The following PIGG variants were observed in gnomAD, a reference collection of about 807,000 sequenced individuals.
PIGG encodes the protein GPI ethanolamine phosphate transferase 2, catalytic subunit.
Under a neutral mutation model 83.2 loss-of-function variants are expected in PIGG, and 70 were observed. That is an observed-to-expected ratio of 0.84 (90% CI 0.69 to 1.03). The LOEUF is 1.03. PIGG is among the 50% of genes least tolerant of loss of function. The probability of loss-of-function intolerance (pLI) is 0.00; values close to 1 mark genes in which losing one functional copy is unlikely to be tolerated. For missense variants in PIGG, 1,257 were observed against 1,233.6 expected (o/e 1.02, Z -0.28); for synonymous variants, 532 against 519.5 (o/e 1.02, Z -0.33).
chr4:535,441 C>CT (rs1730287844), intron 12 of PIGG, among the ~76,000 whole-genome samples: 2 of 151,366 alleles, frequency 1.3e-5, no homozygotes, highest in African/African-American at 4.9e-5. Flanking sequence ...GCCCGGCCTC[C>CT]TCCCGGGCAG....
intron 5 of PIGG, among the ~76,000 whole-genome samples, chr4:510,609 G>A (rs1450438600): frequency 6.6e-6 from 1 of 152,210 alleles, no homozygotes; most frequent in Non-Finnish European, 1.5e-5. Context: ...GGGGGCAGCT[G>A]CATGCGTGCA....
chr4:527,227 C>T lies in PIGG; in HGVS notation c.2258C>T (p.Ser753Phe), dbSNP rs1337903299. Reference sequence around the variant, plus strand: ...TGGCGGCCGGACAGCAAGGACATTTCCAAGTAAGTGCGTGGCGGACACGGG... The same window carrying T: ...TGGCGGCCGGACAGCAAGGACATTTTCAAGTAAGTGCGTGGCGGACACGGG... ...FPWRPDSKDISKGIIEARFVY... is the reference protein window; with the variant it reads ...FPWRPDSKDIFKGIIEARFVY... The change falls in exon 10 of 13, where the codon TCC (serine) becomes TTC (phenylalanine). Residue 753 changes from serine to phenylalanine, a missense_variant. Physicochemically the swap from Ser to Phe is radical, Grantham distance 155. Coordinates refer to ENST00000453061, the MANE Select transcript of PIGG (RefSeq NM_001127178.3). 4 of 1,587,576 alleles carry T rather than the reference C, an allele frequency of 2.5e-6. No individual in the cohort carries two copies. Among genetic ancestry groups the T allele is most frequent in the Non-Finnish European group, 3.4e-6 (4 of 1,167,080 alleles).
chr4:532,892 C>T (rs1729405726), intron 11 of PIGG: 2 of 144,662 alleles, frequency 1.4e-5, no homozygotes, highest in Admixed American at 1.4e-4. Flanking sequence ...GGCCTGGGAG[C>T]AGAGAGGAGG....
rs1189383059 is a variant in PIGG at position 534,006 on chromosome 4, A to C, written c.2735+25A>C. On this transcript the variant is annotated intron_variant, in intron 12 of 12. Coordinates refer to ENST00000453061, the MANE Select transcript of PIGG (RefSeq NM_001127178.3). ...GGTGAGGCGCCTCTCTGCCGTCAGCACAGTTCTGGGGGCCGGCTGCCTGGT... is the reference window on the plus strand; with the variant it reads ...GGTGAGGCGCCTCTCTGCCGTCAGCCCAGTTCTGGGGGCCGGCTGCCTGGT... 1.9e-6 allele frequency: 3 copies of C among 1,611,036 alleles called. No individual in the cohort carries two copies. The South Asian group carries it at 3.3e-5, about 18-fold the overall frequency.
chr4:501,351 T>C (rs1717656934), intron 2 of PIGG, among the ~76,000 whole-genome samples: 1 of 152,162 alleles, frequency 6.6e-6, no homozygotes, highest in African/African-American at 2.4e-5. Context: ...GGTTAATGCA[T>C]GATGAGAAAG....
rs150081587 is a variant in PIGG at position 510,042 on chromosome 4, G to T, written c.901+1072G>T. Among the ~76,000 whole-genome samples, 571 of 152,172 alleles carry T rather than the reference G, an allele frequency of 3.8e-3. 8 individuals carry two copies. The South Asian group carries it at 0.051, about 14-fold the overall frequency. ...CTTATATCTTTTTATGAAGCTTCTTGGCCGAGACCAGCTCGGTCCGGGAGA... is the reference window on the plus strand; with the variant it reads ...CTTATATCTTTTTATGAAGCTTCTTTGCCGAGACCAGCTCGGTCCGGGAGA... On this transcript the variant is annotated intron_variant, in intron 5 of 12. Coordinates refer to ENST00000453061, the MANE Select transcript of PIGG (RefSeq NM_001127178.3).
chr4:530,203 C>T (rs1227300354), intron 10 of PIGG, among the ~76,000 whole-genome samples: 6 of 152,058 alleles, frequency 3.9e-5, no homozygotes, highest in South Asian at 2.1e-4. Flanking sequence ...AGAGTCTGCA[C>T]GAGGACACAC....
At chr4:509,446 C>A (rs1441755163) in intron 5 of PIGG, among the ~76,000 whole-genome samples, 1 of 152,202 alleles carries the variant, frequency 6.6e-6, no homozygotes, top group Non-Finnish European at 1.5e-5. Flanking sequence ...TGACCTGTGC[C>A]CAGACTCAGC....
intron 3 of PIGG, chr4:506,950 C>T: frequency 2.8e-6 from 1 of 362,146 alleles, no homozygotes; most frequent in Non-Finnish European, 5.8e-6. Context: ...CCCATTTGCT[C>T]ACCTTCAGTT....
At chr4:507,110 A>G (rs1429504262) in intron 3 of PIGG, among the ~76,000 whole-genome samples, 1 of 152,234 alleles carries the variant, frequency 6.6e-6, no homozygotes, top group African/African-American at 2.4e-5. Flanking sequence ...GCTAATGTTC[A>G]TTTATTTATT....
intron 5 of PIGG, among the ~76,000 whole-genome samples, chr4:511,041 C>T (rs1383136899): frequency 6.6e-6 from 1 of 152,130 alleles, no homozygotes; most frequent in Admixed American, 6.5e-5. Context: ...CACCTGTAAT[C>T]CCAGCACTTT....
At position 505,700 on chromosome 4, in the gene PIGG, T is replaced by C. The variant is rs1403151310; in HGVS notation, c.361-18T>C. The C allele has an allele frequency of 6.2e-7, 1 of 1,603,424 alleles. No individual in the cohort carries two copies. Among genetic ancestry groups the C allele is most frequent in the Admixed American group, 1.7e-5 (1 of 59,372 alleles). ...GTTTTGGATTCAGTGGCCTAATTCT[T>C]GCATTTTCTGACTGCAGGCATTGAT... On this transcript the variant is annotated intron_variant, in intron 2 of 12. Coordinates refer to ENST00000453061, the MANE Select transcript of PIGG (RefSeq NM_001127178.3).
At chr4:501,068 A>G in intron 2 of PIGG, 1 of 455,036 alleles carries the variant, frequency 2.2e-6, no homozygotes, top group Non-Finnish European at 4.4e-6. Flanking sequence ...TTCCGGCCTC[A>G]ACAATTACCA....
intron 3 of PIGG, among the ~76,000 whole-genome samples, chr4:506,330 C>T (rs577745067): frequency 6.6e-5 from 10 of 152,290 alleles, no homozygotes; most frequent in African/African-American, 2.2e-4. Flanking sequence ...CTGCTGCAAG[C>T]GGAGCCTCAT....
chr4:535,383 C>G (rs554542254), intron 12 of PIGG, among the ~76,000 whole-genome samples: 2 of 103,626 alleles, frequency 1.9e-5, no homozygotes, highest in African/African-American at 1.0e-4. Context: ...AGTCACGAAT[C>G]CCCGCAGCGC....
At chr4:500,280 T>C in intron 1 of PIGG, 116 bp from the exon 2 acceptor site, 1 of 746,512 alleles carries the variant, frequency 1.3e-6, no homozygotes, top group South Asian at 1.7e-5. Flanking sequence ...TGGGTTGGGT[T>C]ATGTAGATAT....
chr4:529,761 T>C (rs1399702576), intron 10 of PIGG, among the ~76,000 whole-genome samples: 1 of 152,174 alleles, frequency 6.6e-6, no homozygotes, highest in Non-Finnish European at 1.5e-5. Flanking sequence ...CTTTGTGAAG[T>C]GTAGAACCAT....
chr4:513,576 C>G (rs984469682), intron 5 of PIGG, among the ~76,000 whole-genome samples: 1 of 152,116 alleles, frequency 6.6e-6, no homozygotes, highest in Non-Finnish European at 1.5e-5. Flanking sequence ...GAATGTTTGA[C>G]CCTGTTTGTT....
intron 12 of PIGG, chr4:536,285 AATCGCTCCCTG>A (rs1730594148): frequency 6.6e-6 from 1 of 152,256 alleles, no homozygotes; most frequent in African/African-American, 2.4e-5. Context: ...CCAAGGGGAG[AATCGCTCCCTG>A]GCCAGACTGC....
Sources: gnomAD v4.1 joint callset for allele counts (sites outside exome capture counted in the v4.1 genomes callset) on GRCh38, gnomAD v4.1.1 for gene constraint, MANE v1.5 for transcripts, NCBI Gene and HGNC (gene_info 2026-07-23, HGNC 2026-07-21) for gene names.